DMRTA2: variants seen among roughly 807,000 people sequenced by gnomAD.
DMRTA2 encodes the protein doublesex- and mab-3-related transcription factor A2.
DMRTA2 carries 10 observed loss-of-function variants against 29.7 expected under a neutral mutation model. The observed-to-expected ratio is 0.34, with a 90% CI of 0.21 to 0.57. The LOEUF (loss-of-function observed/expected upper bound fraction) is 0.57, where lower values mean the gene tolerates loss of function less well. Ranked by LOEUF, DMRTA2 falls within the 20% of genes least tolerant of loss-of-function variation. The pLI is 0.87. For synonymous variants in DMRTA2, 469 were observed against 402.6 expected, an observed-to-expected ratio of 1.16 and a Z score of -1.97; for missense variants, 783 against 812.1, an observed-to-expected ratio of 0.96 and a Z score of 0.44.
chr1:50,418,811 G>T lies in DMRTA2; in HGVS notation c.1483C>A (p.Leu495Ile). Residue 495 changes from leucine to isoleucine, a missense_variant, in exon 3 of 3, where the codon CTC becomes ATC. Around this residue, in one of 3 missense-constraint regions of DMRTA2, gnomAD observed 667 missense variants for 624.8 expected, o/e 1.07. Coordinates refer to ENST00000404795, the MANE Select transcript of DMRTA2 (RefSeq NM_032110.3). Reference sequence around the variant, plus strand: ...TAGTCCATGGGTGGGCGGAAGCCGAGCGTGGGCACCAAGCCGGCAGTGGAG... The same window carrying T: ...TAGTCCATGGGTGGGCGGAAGCCGATCGTGGGCACCAAGCCGGCAGTGGAG... Reference protein sequence around the residue: ...PYSTAGLVPTLGFRPPMDYAF... With the variant: ...PYSTAGLVPTIGFRPPMDYAF... 6.3e-7 allele frequency: 1 copy of T among 1,588,326 alleles called. No homozygotes were observed. The highest frequency in any genetic ancestry group is 1.7e-5 in the Admixed American group (1 of 57,666).
chr1:50,419,214 G>A lies in DMRTA2; in HGVS notation c.1080C>T (p.Ala360=). 1.4e-6 allele frequency: 2 copies of A among 1,443,822 alleles called. No individual in the cohort carries two copies. Among genetic ancestry groups the A allele is most frequent in the Non-Finnish European group, 1.8e-6 (2 of 1,102,808 alleles). The allele number at this position is 1,443,822 out of a possible 1,614,324, so 89.4% of individuals were successfully genotyped here. A position where few individuals can be genotyped will look rare whatever the true frequency, so the allele number is the denominator to read the frequency against. ...VLNHHRGGLA[A]GLGPAAPPDK... ...CTGGGGGCGCCGCAGGGCCCAGGCC[G>A]GCCGCCAGGCCCCCACGGTGGTGGT... The change falls in exon 3 of 3, where the codon GCC becomes GCT. Residue 360 remains alanine (A), a synonymous_variant. Transcript: ENST00000404795. This position sits in a 1 kb window ranked among gnomAD's most constrained non-coding sequence, Gnocchi z 6.1.
Position 50,421,136 on chromosome 1 carries a change from C to T in DMRTA2, c.401G>A (p.Gly134Asp). The T allele has an allele frequency of 6.5e-7, 1 of 1,531,418 alleles. No individual in the cohort carries two copies. 94.9% of individuals were successfully genotyped at this position (1,531,418 alleles called of 1,614,324 possible). ...GGCCAGCGCCAGCCCCTCGGCAGTG[C>T]CGTAGAGCAGCTGCAGCTCGCGCGC... Reference protein sequence around the residue: ...NEARELQLLYGTAEGLALAAA... With the variant: ...NEARELQLLYDTAEGLALAAA... Residue 134 changes from glycine (G) to aspartate (D), a missense_variant, in exon 2 of 3, where the codon GGC (glycine) becomes GAC (aspartate). By Grantham distance (94) the Gly-to-Asp change is moderately conservative. This residue lies in a region of DMRTA2 where 667 missense variants were observed against 624.8 expected (regional missense o/e 1.07). Coordinates refer to ENST00000404795, the MANE Select transcript of DMRTA2 (RefSeq NM_032110.3). This position sits in a 1 kb window ranked among gnomAD's most constrained non-coding sequence, Gnocchi z 8.7.
Position 50,419,223 on chromosome 1 carries a change from G to C in DMRTA2, c.1071C>G (p.Gly357=). 1 of 1,490,994 alleles carries C rather than the reference G, an allele frequency of 6.7e-7. No homozygotes were observed. The allele number at this position is 1,490,994 out of a possible 1,614,324, so 92.4% of individuals were successfully genotyped here. A position where few individuals can be genotyped will look rare whatever the true frequency, so the allele number is the denominator to read the frequency against. Residue 357 remains glycine (G), a synonymous_variant, in exon 3 of 3, where the codon GGC becomes GGG. Transcript: ENST00000404795. This position sits in a 1 kb window ranked among gnomAD's most constrained non-coding sequence, Gnocchi z 6.1. ...IEQVLNHHRG[G]LAAGLGPAAP... ...CCGCAGGGCCCAGGCCGGCCGCCAGGCCCCCACGGTGGTGGTTCAGCACCT... is the reference window on the plus strand; with the variant it reads ...CCGCAGGGCCCAGGCCGGCCGCCAGCCCCCCACGGTGGTGGTTCAGCACCT...
Position 50,420,947 on chromosome 1 carries a change from G to T in DMRTA2, c.559+31C>A. The T allele has an allele frequency of 2.1e-6, 3 of 1,426,872 alleles. No homozygotes were observed. Among genetic ancestry groups the T allele is most frequent in the Non-Finnish European group, 2.7e-6 (3 of 1,100,808 alleles). 88.4% of individuals were successfully genotyped at this position (1,426,872 alleles called of 1,614,324 possible). On this transcript the variant is annotated intron_variant, in intron 2 of 2. Coordinates refer to ENST00000404795, the MANE Select transcript of DMRTA2 (RefSeq NM_032110.3). This position sits in a 1 kb window ranked among gnomAD's most constrained non-coding sequence, Gnocchi z 4.1. The stretch of plus-strand genomic sequence containing the variant: ...CGTGCCCCAGAGCTACGATCCTGCT[G>T]CCCCTACCTGCGGCCTGGCCGCGCT...
rs1032058481 is a variant in DMRTA2 at position 50,418,964 on chromosome 1, T to C, written c.1330A>G (p.Asn444Asp). ...GCGTCGGCACCGAAGTGACTGGCGTTGGGCTGCAGCGGCGAGAAGGCCGAG... is the reference window on the plus strand; with the variant it reads ...GCGTCGGCACCGAAGTGACTGGCGTCGGGCTGCAGCGGCGAGAAGGCCGAG... The part of the protein sequence containing the change: ...SRSAFSPLQP[N>D]ASHFGADAGA... Residue 444 changes from asparagine to aspartate, a missense_variant, in exon 3 of 3, where the codon AAC becomes GAC. Around this residue, in one of 3 missense-constraint regions of DMRTA2, gnomAD observed 667 missense variants for 624.8 expected, o/e 1.07. Transcript: ENST00000404795. 2.8e-6 allele frequency: 4 copies of C among 1,445,720 alleles called. No individual in the cohort carries two copies. The highest frequency in any genetic ancestry group is 3.6e-6 in the Non-Finnish European group (4 of 1,104,556). The allele number at this position is 1,445,720 out of a possible 1,614,324, so 89.6% of individuals were successfully genotyped here.
At position 50,421,228 on chromosome 1, in the gene DMRTA2, C is replaced by T. The variant is rs780832447; in HGVS notation, c.309G>A (p.Ala103=). The change falls in exon 2 of 3, where the codon GCG becomes GCA. Residue 103 remains alanine (A), a synonymous_variant. Transcript: ENST00000404795. This position sits in a 1 kb window ranked among gnomAD's most constrained non-coding sequence, Gnocchi z 8.7. ...DCLCAKCTLI[A]ERQRVMAAQV... is the part of the protein sequence containing the mutation. The stretch of plus-strand genomic sequence containing the variant: ...GCGCCGCCATGACACGCTGGCGCTC[C>T]GCGATGAGCGTGCACTTGGCGCACA... The T allele has an allele frequency of 7.8e-6, 12 of 1,536,762 alleles. No individual in the cohort carries two copies. The South Asian group carries it at 1.2e-4, about 15-fold the overall frequency.
rs1300364754 is a variant in DMRTA2, at chr1:50,422,070, AG to A, written c.-8-527del. On this transcript the variant is annotated intron_variant, in intron 1 of 2. Transcript: ENST00000404795. This position sits in a 1 kb window ranked among gnomAD's most constrained non-coding sequence, Gnocchi z 5.7. ...GAAGAGGAGAGAGATGTGAAGGCGC[AG>A]ATGTGAAGGCCGGTTGGGCCGGAGT... 3.2e-4 allele frequency among the ~76,000 whole-genome samples: 49 copies of A among 152,326 alleles called. No individual in the cohort carries two copies. The highest frequency in any genetic ancestry group is 1.1e-3 in the African/African-American group (46 of 41,574).
chr1:50,422,528 C>T lies in DMRTA2; in HGVS notation c.-9+588G>A, dbSNP rs1282383792. On this transcript the variant is annotated intron_variant, in intron 1 of 2. Transcript: ENST00000404795. The surrounding 1 kb of genome is among the most constrained non-coding windows in gnomAD (Gnocchi z 5.7). ...TGCTGGGGGAGGGGATTGGGTAAAA[C>T]CTGTGGTGCAGTTTTTTAGCTTCGC... 6.6e-6 allele frequency among the ~76,000 whole-genome samples: 1 copy of T among 152,094 alleles called. No homozygotes were observed. The highest frequency in any genetic ancestry group is 2.4e-5 in the African/African-American group (1 of 41,412).
At position 50,421,499 on chromosome 1, in the gene DMRTA2, G is replaced by A. The variant is rs1401703692; in HGVS notation, c.38C>T (p.Ala13Val). 3.1e-6 allele frequency: 4 copies of A among 1,272,030 alleles called. No individual in the cohort carries two copies. Among genetic ancestry groups the A allele is most frequent in the Non-Finnish European group, 3.9e-6 (4 of 1,015,482 alleles). 78.8% of individuals were successfully genotyped at this position (1,272,030 alleles called of 1,614,324 possible). Reference sequence around the variant, plus strand: ...CGCTGTTGCCGCCGCCGCCGTCGCCGCGCCGGGCACGCTGGGCAGCTCCGA... The same window carrying A: ...CGCTGTTGCCGCCGCCGCCGTCGCCACGCCGGGCACGCTGGGCAGCTCCGA... ...LRSELPSVPG[A>V]ATAAAATATG... The change falls in exon 2 of 3, where the codon GCG (alanine) becomes GTG (valine). Residue 13 changes from alanine (A) to valine (V), a missense_variant. By Grantham distance (64) the Ala-to-Val change is moderately conservative (BLOSUM62 0). Transcript: ENST00000404795. The surrounding 1 kb of genome is among the most constrained non-coding windows in gnomAD (Gnocchi z 8.7).
At position 50,420,854 on chromosome 1, in the gene DMRTA2, C is replaced by A. The variant is rs112710427; in HGVS notation, c.559+124G>T. The A allele has an allele frequency of 6.0e-6, 8 of 1,340,640 alleles. No individual in the cohort carries two copies. The African/African-American group carries it at 6.2e-5, about 10-fold the overall frequency. 83.0% of individuals were successfully genotyped at this position (1,340,640 alleles called of 1,614,324 possible). A position where few individuals can be genotyped will look rare whatever the true frequency, so the allele number is the denominator to read the frequency against. ...TACCCGAGGCTGGGCGAGCGGTGAA[C>A]CCTAGCAGTCGCGGCGACTGGACAC... On this transcript the variant is annotated intron_variant, in intron 2 of 2. Coordinates refer to ENST00000404795, the MANE Select transcript of DMRTA2 (RefSeq NM_032110.3). The surrounding 1 kb of genome is among the most constrained non-coding windows in gnomAD (Gnocchi z 4.1).
At position 50,420,674 on chromosome 1, in the gene DMRTA2, A is replaced by G. The variant is rs1009513621; in HGVS notation, c.559+304T>C. On this transcript the variant is annotated intron_variant, in intron 2 of 2. Coordinates refer to ENST00000404795, the MANE Select transcript of DMRTA2 (RefSeq NM_032110.3). The surrounding 1 kb of genome is among the most constrained non-coding windows in gnomAD (Gnocchi z 4.1). The stretch of plus-strand genomic sequence containing the variant: ...AAGATGCGCAGGTTTCCACCTGGGG[A>G]GAAGACGAAGCAAAGAAGCAGGGAC... Among the ~76,000 whole-genome samples, 5 of 152,108 alleles carry G rather than the reference A, an allele frequency of 3.3e-5. No homozygotes were observed. The highest frequency in any genetic ancestry group is 6.5e-5 in the Admixed American group (1 of 15,280).
chr1:50,422,238 G>C lies in DMRTA2; in HGVS notation c.-8-694C>G, dbSNP rs1646043867. Among the ~76,000 whole-genome samples the C allele has an allele frequency of 6.6e-6, 1 of 152,236 alleles. No homozygotes were observed. Among genetic ancestry groups the C allele is most frequent in the Admixed American group, 6.5e-5 (1 of 15,282 alleles). On this transcript the variant is annotated intron_variant, in intron 1 of 2. Coordinates refer to ENST00000404795, the MANE Select transcript of DMRTA2 (RefSeq NM_032110.3). The surrounding 1 kb of genome is among the most constrained non-coding windows in gnomAD (Gnocchi z 5.7). The stretch of plus-strand genomic sequence containing the variant: ...GGGCAAAGTTAGGCCCAGTGGCTCT[G>C]GGACCCGTAAAAATGTGAGCGCCAA...
chr1:50,420,915 T>TG lies in DMRTA2; in HGVS notation c.559+62dup. On this transcript the variant is annotated intron_variant, in intron 2 of 2. Transcript: ENST00000404795. This position sits in a 1 kb window ranked among gnomAD's most constrained non-coding sequence, Gnocchi z 4.1. ...CTCTTTCTGAACCGAGACAAGCCCC[T>TG]GGGCCCCGTGCCCCAGAGCTACGAT... The TG allele has an allele frequency of 7.2e-7, 1 of 1,395,952 alleles. No individual in the cohort carries two copies. 86.5% of individuals were successfully genotyped at this position (1,395,952 alleles called of 1,614,324 possible).
rs577342455 is a variant in DMRTA2 at position 50,419,517 on chromosome 1, T to A, written c.777A>T (p.Ala259=). ...GSPLARASKE[A]GGSCPGSAGP... is the part of the protein sequence containing the mutation. ...CAGCGCTGCCTGGGCAGCTGCCACC[T>A]GCCTCTTTGGAGGCCCGAGCTAGGG... The change falls in exon 3 of 3, where the codon GCA becomes GCT. Residue 259 remains alanine, a synonymous_variant. Transcript: ENST00000404795. The surrounding 1 kb of genome is among the most constrained non-coding windows in gnomAD (Gnocchi z 6.1). The A allele has an allele frequency of 2.8e-5, 45 of 1,588,862 alleles. 1 individual carries two copies. In the African/African-American group the frequency reaches 5.6e-4, roughly 20 times the overall value.
Position 50,422,360 on chromosome 1 carries a change from G to C in DMRTA2, c.-9+756C>G, listed in dbSNP as rs1377614838. ...TATTAAAGAGAAAAATTCGGCCAAA[G>C]AAACTTTCTGTATAGGCAAACCCAG... On this transcript the variant is annotated intron_variant, in intron 1 of 2. Coordinates refer to ENST00000404795, the MANE Select transcript of DMRTA2 (RefSeq NM_032110.3). This position sits in a 1 kb window ranked among gnomAD's most constrained non-coding sequence, Gnocchi z 5.7. 6.6e-6 allele frequency among the ~76,000 whole-genome samples: 1 copy of C among 152,154 alleles called. No homozygotes were observed. Among genetic ancestry groups the C allele is most frequent in the African/African-American group, 2.4e-5 (1 of 41,444 alleles).
rs1646012564 is a variant in DMRTA2, at chr1:50,419,002, G to A, written c.1292C>T (p.Ser431Leu). 8 of 1,416,120 alleles carry A rather than the reference G, an allele frequency of 5.6e-6. No homozygotes were observed. The highest frequency in any genetic ancestry group is 3.1e-5 in the East Asian group (1 of 32,354). 87.7% of individuals were successfully genotyped at this position (1,416,120 alleles called of 1,614,324 possible). A position where few individuals can be genotyped will look rare whatever the true frequency, so the allele number is the denominator to read the frequency against. The change falls in exon 3 of 3, where the codon TCG (serine) becomes TTG (leucine). Residue 431 changes from serine (S) to leucine (L), a missense_variant. Transcript: ENST00000404795. The surrounding 1 kb of genome is among the most constrained non-coding windows in gnomAD (Gnocchi z 6.1). ...AGAMAPGALGSLSSRSAFSPL... is the reference protein window; with the variant it reads ...AGAMAPGALGLLSSRSAFSPL... Reference sequence around the variant, plus strand: ...CGAGAAGGCCGAGCGGCTGCTCAGCGAGCCCAGCGCCCCAGGCGCCATGGC... The same window carrying A: ...CGAGAAGGCCGAGCGGCTGCTCAGCAAGCCCAGCGCCCCAGGCGCCATGGC...
rs1020936484 is a variant in DMRTA2 at position 50,422,273 on chromosome 1, G to A, written c.-8-729C>T. On this transcript the variant is annotated intron_variant, in intron 1 of 2. Transcript: ENST00000404795. The surrounding 1 kb of genome is among the most constrained non-coding windows in gnomAD (Gnocchi z 5.7). Reference sequence around the variant, plus strand: ...AAAATGTGAGCGCCAAAAGTTCCACGGTGAGGGCCTCCAGAGAGTGAGAGA... The same window carrying A: ...AAAATGTGAGCGCCAAAAGTTCCACAGTGAGGGCCTCCAGAGAGTGAGAGA... 6.6e-6 allele frequency among the ~76,000 whole-genome samples: 1 copy of A among 152,188 alleles called. No individual in the cohort carries two copies. The highest frequency in any genetic ancestry group is 2.4e-5 in the African/African-American group (1 of 41,448).
At position 50,418,492 on chromosome 1, in the gene DMRTA2, C is replaced by G; in HGVS notation, c.*173G>C. On this transcript the variant is annotated 3_prime_UTR_variant, in exon 3 of 3. Transcript: ENST00000404795. Reference sequence around the variant, plus strand: ...CTGCACCTGTCTGTAGCTGCTCCCCCTTTGCTCAGCCTTCCCCACCCACCC... The same window carrying G: ...CTGCACCTGTCTGTAGCTGCTCCCCGTTTGCTCAGCCTTCCCCACCCACCC... 2.1e-6 allele frequency: 1 copy of G among 469,356 alleles called. No homozygotes were observed. The highest frequency in any genetic ancestry group is 3.5e-6 in the Non-Finnish European group (1 of 289,778). The allele number at this position is 469,356 out of a possible 1,614,324, so 29.1% of individuals were successfully genotyped here.
At position 50,418,518 on chromosome 1, in the gene DMRTA2, T is replaced by A; in HGVS notation, c.*147A>T. On this transcript the variant is annotated 3_prime_UTR_variant, in exon 3 of 3. Transcript: ENST00000404795. Reference sequence around the variant, plus strand: ...TTTGCTCAGCCTTCCCCACCCACCCTCCTAAACAAAACCCAAAAACCACCT... The same window carrying A: ...TTTGCTCAGCCTTCCCCACCCACCCACCTAAACAAAACCCAAAAACCACCT... The A allele has an allele frequency of 7.1e-6, 4 of 566,270 alleles. No homozygotes were observed. Among genetic ancestry groups the A allele is most frequent in the Non-Finnish European group, 5.3e-6 (2 of 379,560 alleles). The allele number at this position is 566,270 out of a possible 1,614,324, so 35.1% of individuals were successfully genotyped here. A position where few individuals can be genotyped will look rare whatever the true frequency, so the allele number is the denominator to read the frequency against.
Sources: gnomAD v4.1 joint callset for allele counts (sites outside exome capture counted in the v4.1 genomes callset) on GRCh38, gnomAD v4.1.1 for gene constraint, gnomAD v4.1.1 regional missense constraint, Gnocchi (gnomAD v3.1) non-coding constraint, MANE v1.5 for transcripts, NCBI Gene and HGNC (gene_info 2026-07-23, HGNC 2026-07-21) for gene names.